The following MAP3K19 variants were observed in gnomAD, a reference collection of about 807,000 sequenced individuals.
MAP3K19 encodes the protein mitogen-activated protein kinase kinase kinase 19, also known as SPS1/STE20-related protein kinase YSK4.
MAP3K19 carries 91 observed loss-of-function variants against 114.4 expected under a neutral mutation model. That is an observed-to-expected ratio of 0.80 (90% confidence interval 0.67 to 0.95). The LOEUF (loss-of-function observed/expected upper bound fraction) is 0.95. Ranked by LOEUF, MAP3K19 falls within the 40% of genes least tolerant of loss-of-function variation. The pLI, the probability that MAP3K19 is intolerant of heterozygous loss-of-function variation, is 0.00. For missense variants in MAP3K19, 1,471 were observed against 1,573.2 expected (o/e 0.94, Z 1.10); for synonymous variants, 518 against 530.5 (o/e 0.98, Z 0.32).
chr2:135,008,614 T>C (rs1219160919), intron 5 of MAP3K19, among the ~76,000 whole-genome samples: 1 of 152,184 alleles, frequency 6.6e-6, no homozygotes. Context: ...AAAAAGTTGT[T>C]TTTTTGTACA....
chr2:135,024,787 T>C, intron 3 of MAP3K19, 46 bp from the exon 4 acceptor site: 1 of 692,048 alleles, frequency 1.4e-6, no homozygotes, highest in Non-Finnish European at 2.5e-6. Flanking sequence ...GTTGAATCTG[T>C]TGAAAAAAGA....
rs78749977 is a variant in MAP3K19 at position 134,965,976 on chromosome 2, G to A, written c.3921-1060C>T. The stretch of plus-strand genomic sequence containing the variant: ...TCGTAGCTCCCACATAAGAGAGAAC[G>A]TGGTATTTGTCTTGCTGGGCCTGGC... On this transcript the variant is annotated intron_variant, in intron 12 of 12. Transcript: ENST00000392915. Among the ~76,000 whole-genome samples the A allele has an allele frequency of 0.017, 2,560 of 152,226 alleles. 208 individuals carry two copies. In the East Asian group the frequency reaches 0.28, roughly 17 times the overall value.
intron 12 of MAP3K19, among the ~76,000 whole-genome samples, chr2:134,978,027 C>G (rs1362548469): frequency 6.6e-6 from 1 of 152,124 alleles, no homozygotes. Context: ...CTTGTTTCTT[C>G]TTACACCTTG....
chr2:134,997,817 C>CA lies in MAP3K19; in HGVS notation c.574+920dup, dbSNP rs1187957592. Among the ~76,000 whole-genome samples, 417 of 90,624 alleles carry CA rather than the reference C, an allele frequency of 4.6e-3. 17 individuals carry two copies. Among genetic ancestry groups the CA allele is most frequent in the Admixed American group, 9.7e-3 (83 of 8,522 alleles). 59.5% of individuals were successfully genotyped at this position (90,624 alleles called of 152,430 possible). ...CTGGTGACAGAGCGAGACTCCGTCTCAAAAAAAAAAAAACTTTAAGCACTG... is the reference window on the plus strand; with the variant it reads ...CTGGTGACAGAGCGAGACTCCGTCTCAAAAAAAAAAAAAACTTTAAGCACTG... On this transcript the variant is annotated intron_variant, in intron 8 of 12. Transcript: ENST00000392915.
chr2:135,027,347 A>AGAAAGAAAGAAAGAG (rs1558742271), intron 3 of MAP3K19, among the ~76,000 whole-genome samples: 1 of 137,112 alleles, frequency 7.3e-6, no homozygotes, highest in Admixed American at 7.2e-5. Flanking sequence ...GAAAGAAAGA[A>AGAAAGAAAGAAAGAG]AGAGAGAAAG....
At chr2:134,966,515 A>G (rs1488771075) in intron 12 of MAP3K19, among the ~76,000 whole-genome samples, 1 of 152,234 alleles carries the variant, frequency 6.6e-6, no homozygotes, top group Non-Finnish European at 1.5e-5. Flanking sequence ...AGTGAAGAAT[A>G]CACACCAGCT....
At chr2:135,035,148 G>A (rs1273997562) in intron 2 of MAP3K19, among the ~76,000 whole-genome samples, 5 of 152,178 alleles carry the variant, frequency 3.3e-5, no homozygotes, top group African/African-American at 1.2e-4. Flanking sequence ...TGTAATCCCA[G>A]CACTTTGGGA....
At chr2:134,980,432 G>GT (rs1684552470) in intron 12 of MAP3K19, among the ~76,000 whole-genome samples, 1 of 152,114 alleles carries the variant, frequency 6.6e-6, no homozygotes, top group Admixed American at 6.5e-5. Context: ...TCTCCAATTT[G>GT]TTTCTTTGGC....
Position 134,980,936 on chromosome 2 carries a change from A to C in MAP3K19, c.3805T>G (p.Ser1269Ala). ...EMATGKPPLA[S>A]MDRMAAMFYI... ...AACATGGCGGCCATCCTGTCCATGG[A>C]AGCCAGTGGAGGCTTCCCTGTAGCC... Residue 1269 changes from serine (S) to alanine (A), a missense_variant, in exon 12 of 13, where the codon TCC becomes GCC. By Grantham distance (99) the Ser-to-Ala change is moderately conservative (BLOSUM62 1). Coordinates refer to ENST00000392915, the MANE Select transcript of MAP3K19 (RefSeq NM_025052.5). 6.2e-7 allele frequency: 1 copy of C among 1,614,202 alleles called. No homozygotes were observed. Among genetic ancestry groups the C allele is most frequent in the Non-Finnish European group, 8.5e-7 (1 of 1,180,032 alleles).
At chr2:135,001,135 A>C (rs977282278) in intron 6 of MAP3K19, among the ~76,000 whole-genome samples, 2 of 152,048 alleles carry the variant, frequency 1.3e-5, no homozygotes, top group African/African-American at 2.4e-5. Context: ...AAAAAAAAAA[A>C]CACAGTAAAA....
chr2:134,980,046 C>G (rs1684523475), intron 12 of MAP3K19, among the ~76,000 whole-genome samples: 1 of 152,150 alleles, frequency 6.6e-6, no homozygotes, highest in Non-Finnish European at 1.5e-5. Context: ...GAGTCTCAGG[C>G]CTTTCTTGTC....
rs76213661 is a variant in MAP3K19, at chr2:135,026,397, A to C, written c.-94-1656T>G. Among the ~76,000 whole-genome samples, 1,047 of 152,290 alleles carry C rather than the reference A, an allele frequency of 6.9e-3. 10 individuals are homozygous for C. Among genetic ancestry groups the C allele is most frequent in the African/African-American group, 0.024 (991 of 41,562 alleles). ...ATTGGCCAAACTATTTCTCAACACTAGGCTGAAGTAGCTTCAAAATTCCCT... is the reference window on the plus strand; with the variant it reads ...ATTGGCCAAACTATTTCTCAACACTCGGCTGAAGTAGCTTCAAAATTCCCT... On this transcript the variant is annotated intron_variant, in intron 3 of 12. Coordinates refer to ENST00000392915, the MANE Select transcript of MAP3K19 (RefSeq NM_025052.5).
chr2:135,002,599 CT>C (rs1365790652), intron 6 of MAP3K19, among the ~76,000 whole-genome samples: 1 of 136,564 alleles, frequency 7.3e-6, no homozygotes. Flanking sequence ...AATTGTGAAG[CT>C]CAACACAGAC....
intron 2 of MAP3K19, among the ~76,000 whole-genome samples, chr2:135,035,976 A>C (rs1688517185): frequency 6.6e-6 from 1 of 152,082 alleles, no homozygotes; most frequent in Admixed American, 6.5e-5. Flanking sequence ...CTGGGATTAC[A>C]GGCCCCCACC....
chr2:134,981,897 T>TTG (rs1553537393), intron 11 of MAP3K19, among the ~76,000 whole-genome samples: 27 of 143,030 alleles, frequency 1.9e-4, no homozygotes, highest in African/African-American at 6.8e-4. Flanking sequence ...TTTTTTTTTT[T>TTG]TTTGTTTGTT....
chr2:135,017,485 C>T (rs1687653810), intron 5 of MAP3K19, among the ~76,000 whole-genome samples: 1 of 152,160 alleles, frequency 6.6e-6, no homozygotes, highest in African/African-American at 2.4e-5. Context: ...TCCAGAATTC[C>T]TCCAGCTCAA....
chr2:134,981,591 C>T, intron 11 of MAP3K19, 73 bp from the exon 12 acceptor site: 1 of 1,135,550 alleles, frequency 8.8e-7, no homozygotes, highest in African/African-American at 1.6e-5. Context: ...TCAGGTGACA[C>T]TTGACTTTCC....
At position 134,986,730 on chromosome 2, in the gene MAP3K19, T is replaced by C. The variant is rs751597606; in HGVS notation, c.2142A>G (p.Thr714=). Residue 714 remains threonine, a synonymous_variant, in exon 10 of 13, where the codon ACA becomes ACG. Transcript: ENST00000392915. Reference sequence around the variant, plus strand: ...TATGTGTTTTTTTCTGAGAAAGTCTTGTTCTGATATTGCTCTTCCTCTCAC... The same window carrying C: ...TATGTGTTTTTTTCTGAGAAAGTCTCGTTCTGATATTGCTCTTCCTCTCAC... ...SHSERKSNIR[T]RLSQKKTHMK... 2.4e-5 allele frequency: 39 copies of C among 1,614,094 alleles called. 1 individual carries two copies. The South Asian group carries it at 4.1e-4, about 17-fold the overall frequency.
At chr2:134,977,555 G>T (rs1684329703) in intron 12 of MAP3K19, among the ~76,000 whole-genome samples, 1 of 151,696 alleles carries the variant, frequency 6.6e-6, no homozygotes. Flanking sequence ...GTGGAGACAG[G>T]GTTTCACCAT....
Sources: gnomAD v4.1 joint callset for allele counts (sites outside exome capture counted in the v4.1 genomes callset) on GRCh38, gnomAD v4.1.1 for gene constraint, MANE v1.5 for transcripts, NCBI Gene and HGNC (gene_info 2026-07-23, HGNC 2026-07-21) for gene names.